Variants in CELA3B observed in about 807,000 individuals in gnomAD.
CELA3B encodes the protein chymotrypsin-like elastase family member 3B.
Under a neutral mutation model 37.2 loss-of-function variants are expected in CELA3B, and 34 were observed. That is an observed-to-expected ratio of 0.91 (90% CI 0.70 to 1.22). The LOEUF (loss-of-function observed/expected upper bound fraction) is 1.22, where lower values mean the gene tolerates loss of function less well. Among genes scored for constraint, CELA3B ranks in the 50% most tolerant of loss-of-function variants. The probability of loss-of-function intolerance (pLI) is 0.00; values close to 1 mark genes in which losing one functional copy is unlikely to be tolerated. For missense variants in CELA3B, 340 were observed against 363.1 expected, an observed-to-expected ratio of 0.94 and a Z score of 0.52; for synonymous variants, 127 against 143.5, an observed-to-expected ratio of 0.89 and a Z score of 0.82.
chr1:21,992,826 G>A (rs373207077), downstream of CELA3B, among the ~76,000 whole-genome samples: 23 of 151,076 alleles, frequency 1.5e-4, 2 homozygotes, highest in African/African-American at 5.6e-4. Flanking sequence ...TTAGCTGGGT[G>A]GTGTGACACA....
intron 2 of CELA3B, 100 bp downstream of exon 2, chr1:21,978,554 T>A: frequency 7.2e-7 from 1 of 1,391,128 alleles, no homozygotes; most frequent in Non-Finnish European, 1.0e-6. Context: ...CCCTTTGCAA[T>A]GTCCACTTCA....
chr1:21,998,395 G>T, exon 5 of CELA3B: 1 of 337,764 alleles, frequency 3.0e-6, no homozygotes. Context: ...GCCCCATGGG[G>T]GCTCCGTTCT....
intron 4 of CELA3B, among the ~76,000 whole-genome samples, chr1:21,995,306 T>C (rs1302511250): frequency 1.3e-5 from 2 of 150,626 alleles, no homozygotes; most frequent in Non-Finnish European, 3.0e-5. Flanking sequence ...GTCTGGCTAA[T>C]TTTTGTATTT....
chr1:21,996,058 C>G (rs1214144039), intron 4 of CELA3B, among the ~76,000 whole-genome samples: 1 of 150,950 alleles, frequency 6.6e-6, no homozygotes, highest in African/African-American at 2.5e-5. Flanking sequence ...TACACAAATA[C>G]AAAAATTAGC....
At position 21,978,336 on chromosome 1, in the gene CELA3B, C is replaced by T. The variant is rs373460870; in HGVS notation, c.44-33C>T. 7 of 1,613,002 alleles carry T rather than the reference C, an allele frequency of 4.3e-6. No individual in the cohort carries two copies. The South Asian group carries it at 4.4e-5, about 10-fold the overall frequency. ...CCTCCTCTTTGCTTTTGGGGACCCT[C>T]CCGCTGATTGACAGCTCTCCTCTCC... On this transcript the variant is annotated intron_variant, in intron 1 of 7. Coordinates refer to ENST00000337107, the MANE Select transcript of CELA3B (RefSeq NM_007352.4).
intron 7 of CELA3B, among the ~76,000 whole-genome samples, chr1:21,988,781 T>C (rs1257055330): frequency 2.6e-5 from 4 of 151,668 alleles, no homozygotes; most frequent in Admixed American, 2.0e-4. Flanking sequence ...TCCCAGCTAC[T>C]TGGGAGGCTG....
At chr1:21,992,018 G>A (rs149876684), downstream of CELA3B, among the ~76,000 whole-genome samples, 2,231 of 151,088 alleles carry the variant, frequency 0.015, 157 homozygotes, top group African/African-American at 0.053. Context: ...TACTCAGGAG[G>A]CTGAGGCAGG....
Position 21,986,633 on chromosome 1 carries a change from A to G in CELA3B, c.745A>G (p.Lys249Glu), listed in dbSNP as rs1434784665. The change falls in exon 7 of 8, where the codon AAG becomes GAG. Residue 249 changes from lysine to glutamate, a missense_variant. Physicochemically the swap from Lys to Glu is moderately conservative, Grantham distance 56. Transcript: ENST00000337107. ...VSAFGCNTRR[K>E]PTVFTRVSAF... ...TGCCTTTGGCTGCAACACCCGCAGGAAGCCCACGGTGTTCACTCGAGTCTC... is the reference window on the plus strand; with the variant it reads ...TGCCTTTGGCTGCAACACCCGCAGGGAGCCCACGGTGTTCACTCGAGTCTC... 1 of 1,614,030 alleles carries G rather than the reference A, an allele frequency of 6.2e-7. No individual in the cohort carries two copies. The highest frequency in any genetic ancestry group is 8.5e-7 in the Non-Finnish European group (1 of 1,180,024).
intron 4 of CELA3B, among the ~76,000 whole-genome samples, chr1:21,981,915 C>G (rs571444553): frequency 6.6e-6 from 1 of 151,968 alleles, no homozygotes; most frequent in African/African-American, 2.4e-5. Context: ...TTAGTAGAGA[C>G]GGGGTTTCAC....
chr1:21,997,108 CTGG>C (rs2152818446), intron 4 of CELA3B, among the ~76,000 whole-genome samples: 2 of 151,110 alleles, frequency 1.3e-5, no homozygotes, highest in East Asian at 2.0e-4. Flanking sequence ...GCCTGTAATC[CTGG>C]CATTTTGGGA....
intron 4 of CELA3B, among the ~76,000 whole-genome samples, chr1:21,997,391 C>CAA (rs34063955): frequency 0.13 from 16,240 of 123,490 alleles, 1,418 homozygotes; most frequent in Middle Eastern, 0.25. Flanking sequence ...AGACTCGTCT[C>CAA]AAAAAAAAAA....
chr1:21,978,025 AC>A, intron 1 of CELA3B: 1 of 337,858 alleles, frequency 3.0e-6, no homozygotes, highest in East Asian at 7.3e-5. Context: ...TGCACTTTGA[AC>A]CCAGGAAGTC....
intron 7 of CELA3B, among the ~76,000 whole-genome samples, chr1:21,989,021 C>T (rs1310793317): frequency 6.6e-6 from 1 of 151,884 alleles, no homozygotes; most frequent in Non-Finnish European, 1.5e-5. Flanking sequence ...ATGCACACAT[C>T]CCATCTAAAT....
At chr1:21,980,496 C>G (rs1644797689) in intron 2 of CELA3B, among the ~76,000 whole-genome samples, 1 of 151,578 alleles carries the variant, frequency 6.6e-6, no homozygotes, top group Non-Finnish European at 1.5e-5. Flanking sequence ...AAAAAAGTCA[C>G]AGGGCGAGGG....
chr1:21,984,065 T>C, intron 5 of CELA3B, 124 bp from the exon 6 acceptor site: 1 of 1,319,396 alleles, frequency 7.6e-7, no homozygotes, highest in Non-Finnish European at 1.1e-6. Flanking sequence ...TGCAGGACCA[T>C]TTAGCGGGTG....
At chr1:21,979,516 A>G (rs6700770) in intron 2 of CELA3B, among the ~76,000 whole-genome samples, 128,574 of 142,010 alleles carry the variant, frequency 0.91, 59,004 homozygotes, top group Non-Finnish European at 0.98. Context: ...GCAGTGGTGT[A>G]ATCTCAGCTC....
intron 7 of CELA3B, among the ~76,000 whole-genome samples, chr1:21,988,677 G>A (rs1331498185): frequency 6.7e-6 from 1 of 150,248 alleles, no homozygotes; most frequent in Non-Finnish European, 1.5e-5. Context: ...AGATCACAAG[G>A]TCAGGAGATT....
At chr1:21,987,135 CT>C in intron 7 of CELA3B, 10 of 145,632 alleles carry the variant, frequency 6.9e-5, no homozygotes, top group South Asian at 1.7e-4. Context: ...ACAGTAATAG[CT>C]AAACAAAAAA....
chr1:21,985,501 C>T (rs1439357741), intron 6 of CELA3B, among the ~76,000 whole-genome samples: 1 of 151,848 alleles, frequency 6.6e-6, no homozygotes, highest in African/African-American at 2.4e-5. Flanking sequence ...TTGTCTCTAA[C>T]TCTTGGGCTC....
Sources: gnomAD v4.1 joint callset for allele counts (sites outside exome capture counted in the v4.1 genomes callset) on GRCh38, gnomAD v4.1.1 for gene constraint, MANE v1.5 for transcripts, NCBI Gene and HGNC (gene_info 2026-07-23, HGNC 2026-07-21) for gene names.